The following PCDH15 variants were observed in gnomAD, a reference collection of about 807,000 sequenced individuals.
PCDH15 encodes the protein protocadherin-15.
Under a neutral mutation model 178.5 loss-of-function variants are expected in PCDH15, and 129 were observed. The ratio of observed to expected loss-of-function variants is 0.72; its 90% CI spans 0.63 to 0.84. The LOEUF (loss-of-function observed/expected upper bound fraction) is 0.84, where lower values mean the gene tolerates loss of function less well. Ranked by LOEUF, PCDH15 falls within the 40% of genes least tolerant of loss-of-function variation. The pLI is 0.00. For synonymous variants in PCDH15, 800 were observed against 732.0 expected, an observed-to-expected ratio of 1.09 and a Z score of -1.50; for missense variants, 2,230 against 2,099.9, an observed-to-expected ratio of 1.06 and a Z score of -1.21.
At chr10:55,385,610 T>C (rs1249018800) in intron 2 of PCDH15, among the ~76,000 whole-genome samples, 1 of 150,242 alleles carries the variant, frequency 6.7e-6, no homozygotes, top group Admixed American at 6.7e-5. Flanking sequence ...TTGAAGTTTC[T>C]GTGTAGGTTA....
intron 3 of PCDH15, among the ~76,000 whole-genome samples, chr10:54,418,143 A>T (rs1806967574): frequency 6.6e-6 from 1 of 152,102 alleles, no homozygotes; most frequent in African/African-American, 2.4e-5. Context: ...GTTAGGGAAA[A>T]TCAGGATAAT....
intron 1 of PCDH15, among the ~76,000 whole-genome samples, chr10:54,765,974 C>T (rs1035779360): frequency 9.9e-5 from 15 of 152,078 alleles, no homozygotes; most frequent in Non-Finnish European, 2.1e-4. Context: ...CTAAATACTC[C>T]ATGATCTGTT....
chr10:55,334,867 G>A (rs190336414), intron 2 of PCDH15, among the ~76,000 whole-genome samples: 1 of 152,166 alleles, frequency 6.6e-6, no homozygotes, highest in African/African-American at 2.4e-5. Context: ...TATTTATACA[G>A]AGTATGCTGA....
intron 2 of PCDH15, among the ~76,000 whole-genome samples, chr10:55,348,182 T>A (rs1667393602): frequency 6.6e-6 from 1 of 152,190 alleles, no homozygotes; most frequent in Non-Finnish European, 1.5e-5. Flanking sequence ...TTTAGCTATT[T>A]AAATTTAATT....
At chr10:55,220,667 A>G (rs2132183309) in intron 1 of PCDH15, among the ~76,000 whole-genome samples, 1 of 152,242 alleles carries the variant, frequency 6.6e-6, no homozygotes, top group East Asian at 1.9e-4. Flanking sequence ...AAACTTAGAA[A>G]AGATACAGTG....
chr10:53,879,367 T>A (rs1242510922), intron 26 of PCDH15, among the ~76,000 whole-genome samples: 1 of 152,174 alleles, frequency 6.6e-6, no homozygotes, highest in Non-Finnish European at 1.5e-5. Context: ...AAAATATTTA[T>A]AATGATACAG....
At chr10:54,127,019 C>T (rs966007742) in intron 15 of PCDH15, among the ~76,000 whole-genome samples, 7 of 152,100 alleles carry the variant, frequency 4.6e-5, no homozygotes, top group African/African-American at 9.7e-5. Flanking sequence ...GCAATACGGA[C>T]ATATTTCAAG....
intron 2 of PCDH15, among the ~76,000 whole-genome samples, chr10:55,532,751 T>C (rs576237169): frequency 1.5e-3 from 231 of 152,158 alleles, no homozygotes; most frequent in Middle Eastern, 3.4e-3. Context: ...GGCTGGAGAA[T>C]TCCTGCACAT....
At chr10:54,041,333 T>A (rs1039873930) in intron 18 of PCDH15, among the ~76,000 whole-genome samples, 1 of 152,098 alleles carries the variant, frequency 6.6e-6, no homozygotes, top group Non-Finnish European at 1.5e-5. Context: ...GACTTAACCA[T>A]ACATGTTTTC....
intron 16 of PCDH15, among the ~76,000 whole-genome samples, chr10:54,083,867 C>T (rs1030501698): frequency 6.6e-6 from 1 of 152,112 alleles, no homozygotes; most frequent in African/African-American, 2.4e-5. Flanking sequence ...ACATATTATG[C>T]TTGGCATACT....
intron 2 of PCDH15, among the ~76,000 whole-genome samples, chr10:55,522,209 G>A (rs1051140757): frequency 6.6e-6 from 1 of 151,762 alleles, no homozygotes; most frequent in Non-Finnish European, 1.5e-5. Flanking sequence ...GCAAACATTT[G>A]TTATAAATTG....
chr10:54,153,810 G>T (rs532833846), intron 13 of PCDH15, among the ~76,000 whole-genome samples: 1 of 151,902 alleles, frequency 6.6e-6, no homozygotes, highest in South Asian at 2.1e-4. Flanking sequence ...TGTCCTTTTT[G>T]TTTACAATTG....
intron 2 of PCDH15, among the ~76,000 whole-genome samples, chr10:54,934,973 G>A (rs905743823): frequency 7.9e-5 from 12 of 151,392 alleles, no homozygotes; most frequent in African/African-American, 2.9e-4. Context: ...GTAAACTATC[G>A]CAAGGACAAA....
chr10:54,903,361 T>C (rs866324188), intron 2 of PCDH15, among the ~76,000 whole-genome samples: 1 of 152,272 alleles, frequency 6.6e-6, no homozygotes, highest in African/African-American at 2.4e-5. Flanking sequence ...GTTGAAGCTA[T>C]CATTTAATTC....
intron 2 of PCDH15, among the ~76,000 whole-genome samples, chr10:55,080,373 C>T (rs1842007676): frequency 6.6e-6 from 1 of 152,086 alleles, no homozygotes; most frequent in Non-Finnish European, 1.5e-5. Flanking sequence ...TTATGAGAAT[C>T]TAACTAATGC....
intron 23 of PCDH15, among the ~76,000 whole-genome samples, chr10:53,942,191 TGAA>T (rs1269816020): frequency 2.0e-5 from 3 of 152,244 alleles, no homozygotes; most frequent in Non-Finnish European, 4.4e-5. Flanking sequence ...TGCTTCTTGC[TGAA>T]GAATAAGAAC....
chr10:54,537,153 C>T (rs2084661207), intron 2 of PCDH15, among the ~76,000 whole-genome samples: 2 of 151,928 alleles, frequency 1.3e-5, no homozygotes, highest in South Asian at 2.1e-4. Flanking sequence ...CGCCCGCTAC[C>T]ATGCCCAGCT....
chr10:54,877,994 G>T (rs1372578742), intron 3 of PCDH15, among the ~76,000 whole-genome samples: 3 of 128,060 alleles, frequency 2.3e-5, no homozygotes, highest in Non-Finnish European at 4.8e-5. Flanking sequence ...GTGGAGTCTC[G>T]CTCTGTTGCC....
intron 8 of PCDH15, among the ~76,000 whole-genome samples, chr10:54,308,468 T>C (rs1380796840): frequency 6.6e-6 from 1 of 152,060 alleles, no homozygotes; most frequent in Non-Finnish European, 1.5e-5. Context: ...ATTTTATACC[T>C]GTTTCTTATT....
Sources: gnomAD v4.1 joint callset for allele counts (sites outside exome capture counted in the v4.1 genomes callset) on GRCh38, gnomAD v4.1.1 for gene constraint, MANE v1.5 for transcripts, NCBI Gene and HGNC (gene_info 2026-07-23, HGNC 2026-07-21) for gene names.